The following TMEM51 variants were observed in gnomAD, a reference collection of about 807,000 sequenced individuals.
The protein encoded by TMEM51 is chromosome 1 open reading frame 72.
TMEM51 carries 8 observed loss-of-function variants against 13.6 expected under a neutral mutation model. The ratio of observed to expected loss-of-function variants is 0.59; its 90% CI spans 0.35 to 1.07. TMEM51 has a LOEUF of 1.07. Among genes scored for constraint, TMEM51 ranks in the 50% least tolerant of loss-of-function variants. The pLI is 0.02. For missense variants in TMEM51, 279 were observed against 330.7 expected, an observed-to-expected ratio of 0.84 and a Z score of 1.21; for synonymous variants, 147 against 144.4, an observed-to-expected ratio of 1.02 and a Z score of -0.13.
rs942092145 is a variant in TMEM51 at position 15,182,662 on chromosome 1, G to A, written c.-266-27828G>A. Among the ~76,000 whole-genome samples, 15 of 152,276 alleles carry A rather than the reference G, an allele frequency of 9.9e-5. No homozygotes were observed. The South Asian group carries it at 2.3e-3, about 23-fold the overall frequency. On this transcript the variant is annotated intron_variant, in intron 1 of 3. Transcript: ENST00000376008. ...AGCAAGAAAGAGGACAGGCAAGAAG[G>A]GCCATAGAAGGAAAGTACTGGATCC... is the stretch of plus-strand genomic sequence containing the variant.
At position 15,219,335 on chromosome 1, in the gene TMEM51, A is replaced by G; in HGVS notation, c.354A>G (p.Glu118=). 6.3e-7 allele frequency: 1 copy of G among 1,578,764 alleles called. No homozygotes were observed. The highest frequency in any genetic ancestry group is 8.6e-7 in the Non-Finnish European group (1 of 1,160,428). Residue 118 remains glutamate (E), a synonymous_variant, in exon 4 of 4, where the codon GAA becomes GAG. Transcript: ENST00000376008. ...GTGTGTCTTCTTGCAGCCAGGAGGAAGAAGAGGAGGATGAGGAGGCTGCCT... is the reference window on the plus strand; with the variant it reads ...GTGTGTCTTCTTGCAGCCAGGAGGAGGAAGAGGAGGATGAGGAGGCTGCCT... ...PHAQEEDSQE[E]EEEDEEAASR...
intron 1 of TMEM51, among the ~76,000 whole-genome samples, chr1:15,194,041 A>G (rs1299714375): frequency 6.6e-6 from 1 of 152,232 alleles, no homozygotes; most frequent in Non-Finnish European, 1.5e-5. Flanking sequence ...ACAAACATCT[A>G]TTAAGCTCCT....
chr1:15,163,602 T>G (rs1216554109), intron 1 of TMEM51, among the ~76,000 whole-genome samples: 1 of 138,370 alleles, frequency 7.2e-6, no homozygotes, highest in African/African-American at 2.5e-5. Flanking sequence ...AAACAGTTAA[T>G]GAGTATAAGG....
intron 1 of TMEM51, among the ~76,000 whole-genome samples, chr1:15,171,659 T>A (rs1006967317): frequency 1.8e-4 from 27 of 152,318 alleles, no homozygotes; most frequent in African/African-American, 6.3e-4. Flanking sequence ...CTGCTTCACT[T>A]CCATCTCCCA....
intron 1 of TMEM51, among the ~76,000 whole-genome samples, chr1:15,172,485 GAGA>G (rs771508698): frequency 2.0e-5 from 3 of 151,390 alleles, no homozygotes; most frequent in Admixed American, 1.3e-4. Flanking sequence ...AAAAAAGAAA[GAGA>G]AGAAGGAGAG....
At chr1:15,191,643 T>C (rs1643923282) in intron 1 of TMEM51, among the ~76,000 whole-genome samples, 1 of 152,218 alleles carries the variant, frequency 6.6e-6, no homozygotes, top group African/African-American at 2.4e-5. Context: ...GGCTGTGAGA[T>C]GACTGCTATT....
chr1:15,215,429 C>G lies in TMEM51; in HGVS notation c.342C>G (p.Asp114Glu). The change falls in exon 3 of 4, where the codon GAC (aspartate) becomes GAG (glutamate). Residue 114 changes from aspartate to glutamate, a missense_variant and splice_region_variant. By Grantham distance (45) the Asp-to-Glu change is conservative. Transcript: ENST00000376008. ...TGAGPHAQEE[D>E]SQEEEEEDEE... is the part of the protein sequence containing the mutation. ...CTGGGCCTCACGCCCAGGAGGAAGA[C>G]AGGTGAGGCCTGACTGTCCCCTTCC... is the stretch of plus-strand genomic sequence containing the variant. The G allele has an allele frequency of 6.3e-7, 1 of 1,595,162 alleles. No individual in the cohort carries two copies. Among genetic ancestry groups the G allele is most frequent in the Non-Finnish European group, 8.5e-7 (1 of 1,172,734 alleles).
intron 1 of TMEM51, among the ~76,000 whole-genome samples, chr1:15,179,909 G>A (rs1315248187): frequency 1.3e-5 from 2 of 152,244 alleles, no homozygotes; most frequent in East Asian, 1.9e-4. Context: ...TCATGGAAAT[G>A]TCTTCTCTCT....
intron 1 of TMEM51, among the ~76,000 whole-genome samples, chr1:15,158,853 T>C (rs980298106): frequency 6.6e-6 from 1 of 152,212 alleles, no homozygotes; most frequent in Non-Finnish European, 1.5e-5. Context: ...GGTTTTCCGC[T>C]GGATTTTTAA....
At position 15,156,047 on chromosome 1, in the gene TMEM51, CAG is replaced by C. The variant is rs541940619; in HGVS notation, c.-267+2098_-267+2099del. On this transcript the variant is annotated intron_variant, in intron 1 of 3. Coordinates refer to ENST00000376008, the MANE Select transcript of TMEM51 (RefSeq NM_001136218.2). ...CTGGAGGAGAGGCCCATACAGGAAG[CAG>C]AGAGTAATGTGTGGCCTTCACTCAT... is the stretch of plus-strand genomic sequence containing the variant. 2.7e-3 allele frequency among the ~76,000 whole-genome samples: 411 copies of C among 152,172 alleles called. 3 individuals carry two copies. Among genetic ancestry groups the C allele is most frequent in the African/African-American group, 9.5e-3 (395 of 41,502 alleles).
chr1:15,153,747 A>G lies in TMEM51; in HGVS notation c.-474A>G, dbSNP rs1303375928. 6.6e-6 allele frequency: 1 copy of G among 151,276 alleles called. No homozygotes were observed. The highest frequency in any genetic ancestry group is 1.5e-5 in the Non-Finnish European group (1 of 67,878). The allele number at this position is 151,276 out of a possible 1,614,324, so 9.4% of individuals were successfully genotyped here. A position where few individuals can be genotyped will look rare whatever the true frequency, so the allele number is the denominator to read the frequency against. On this transcript the variant is annotated 5_prime_UTR_variant, in exon 1 of 4. Transcript: ENST00000376008. ...CTCCCTCCCGCACGCCGGCGCTCCC[A>G]GGCCGCGCTTCCTGCGTCCCCAACC...
intron 1 of TMEM51, among the ~76,000 whole-genome samples, chr1:15,184,003 TCTTTCCTTCTTTC>T (rs1211210229): frequency 1.3e-5 from 2 of 152,176 alleles, no homozygotes; most frequent in Admixed American, 1.3e-4. Context: ...TGCATTTCTT[TCTTTCCTTCTTTC>T]CTTTCCTTCT....
intron 1 of TMEM51, among the ~76,000 whole-genome samples, chr1:15,187,492 G>C (rs1643817143): frequency 6.6e-6 from 1 of 152,158 alleles, no homozygotes; most frequent in Non-Finnish European, 1.5e-5. Flanking sequence ...ACCATGCCCG[G>C]CCCATGGGGG....
In TMEM51 at chr1:15,219,407, C is replaced by T. The variant is rs1181872062; in HGVS notation, c.426C>T (p.Tyr142=). 1.2e-6 allele frequency: 2 copies of T among 1,613,492 alleles called. No individual in the cohort carries two copies. The highest frequency in any genetic ancestry group is 1.7e-6 in the Non-Finnish European group (2 of 1,179,500). Residue 142 remains tyrosine (Y), a synonymous_variant, in exon 4 of 4, where the codon TAC becomes TAT. Coordinates refer to ENST00000376008, the MANE Select transcript of TMEM51 (RefSeq NM_001136218.2). ...PSYEEVMNTN[Y]SEARGEEQNP... The stretch of plus-strand genomic sequence containing the variant: ...ACGAGGAAGTGATGAACACAAACTA[C>T]TCAGAAGCAAGGGGAGAGGAGCAGA...
At chr1:15,186,647 C>A (rs1643785178) in intron 1 of TMEM51, among the ~76,000 whole-genome samples, 1 of 152,156 alleles carries the variant, frequency 6.6e-6, no homozygotes, top group East Asian at 1.9e-4. Flanking sequence ...TGGAAATTAA[C>A]CCAGGCCTGA....
At chr1:15,169,558 C>T (rs76489672) in intron 1 of TMEM51, among the ~76,000 whole-genome samples, 2,318 of 152,294 alleles carry the variant, frequency 0.015, 68 homozygotes, top group African/African-American at 0.052. Context: ...CGCCCTTCCA[C>T]CATGTTACTG....
intron 1 of TMEM51, chr1:15,168,480 T>C (rs757532625): frequency 7.7e-7 from 1 of 1,300,888 alleles, no homozygotes; most frequent in South Asian, 1.2e-5. Context: ...AATGTATAAG[T>C]TCCAATTTTA....
In TMEM51 at chr1:15,171,366, G is replaced by C. The variant is rs181195074; in HGVS notation, c.-267+17412G>C. 16 of 1,259,656 alleles carry C rather than the reference G, an allele frequency of 1.3e-5. No individual in the cohort carries two copies. The African/African-American group carries it at 1.9e-4, about 15-fold the overall frequency. 78.0% of individuals were successfully genotyped at this position (1,259,656 alleles called of 1,614,324 possible). On this transcript the variant is annotated intron_variant, in intron 1 of 3. Coordinates refer to ENST00000376008, the MANE Select transcript of TMEM51 (RefSeq NM_001136218.2). Reference sequence around the variant, plus strand: ...GAATTAGTTCTTATGCATTCATAGGGGGGGCGGCAGAAAGGAAGGTGGAAG... The same window carrying C: ...GAATTAGTTCTTATGCATTCATAGGCGGGGCGGCAGAAAGGAAGGTGGAAG...
At chr1:15,213,197 T>A (rs1316279) in intron 2 of TMEM51, among the ~76,000 whole-genome samples, 84,541 of 152,134 alleles carry the variant, frequency 0.56, 23,936 homozygotes, top group East Asian at 0.64. Context: ...AGTGCCTAAC[T>A]CGCTACTTAG....
Sources: allele counts gnomAD v4.1 joint callset (sites outside exome capture counted in the v4.1 genomes callset), GRCh38; gene constraint gnomAD v4.1.1; transcripts MANE v1.5; gene names NCBI Gene and HGNC (gene_info 2026-07-23, HGNC 2026-07-21).